The following CABIN1 variants were observed in gnomAD, a reference collection of about 807,000 sequenced individuals.
The protein encoded by CABIN1 is calcineurin binding protein 1, also known as calcineurin-binding protein cabin-1.
A neutral mutation model predicts 227.7 loss-of-function variants in CABIN1; 133 were observed. The observed-to-expected ratio is 0.58, with a 90% CI of 0.51 to 0.67. CABIN1 has a LOEUF of 0.67. Among genes scored for constraint, CABIN1 ranks in the 30% least tolerant of loss-of-function variants. The probability of loss-of-function intolerance (pLI) is 0.00; values close to 1 mark genes in which losing one functional copy is unlikely to be tolerated. For synonymous variants in CABIN1, 1,086 were observed against 1,155.1 expected (o/e 0.94, Z 1.21); for missense variants, 2,408 against 2,852.5 (o/e 0.84, Z 3.55).
At chr22:24,036,384 TG>T (rs2036890446) in intron 3 of CABIN1, among the ~76,000 whole-genome samples, 1 of 152,192 alleles carries the variant, frequency 6.6e-6, no homozygotes, top group Non-Finnish European at 1.5e-5. Context: ...ATTCTATCAG[TG>T]TATGTGAAGG....
intron 25 of CABIN1, among the ~76,000 whole-genome samples, chr22:24,096,484 G>A (rs562410431): frequency 2.6e-4 from 40 of 152,306 alleles, no homozygotes; most frequent in African/African-American, 9.1e-4. Context: ...ATTCTCCTGA[G>A]AAGCAGTGGG....
chr22:24,063,222 G>C, intron 14 of CABIN1, 76 bp downstream of exon 14: 1 of 1,458,242 alleles, frequency 6.9e-7, no homozygotes, highest in East Asian at 2.3e-5. Flanking sequence ...ACCATGTTGA[G>C]GGTGTGTGTG....
In CABIN1 at chr22:24,038,315, C is replaced by T. The variant is rs1569104484; in HGVS notation, c.97-33C>T. 3 of 1,536,626 alleles carry T rather than the reference C, an allele frequency of 2.0e-6. No homozygotes were observed. The South Asian group carries it at 3.4e-5, about 17-fold the overall frequency. On this transcript the variant is annotated intron_variant, in intron 3 of 36. Coordinates refer to ENST00000263119, the MANE Select transcript of CABIN1 (RefSeq NM_012295.4). ...GGCTTAAAAAAGACAGATCTTTATGCTGTATGAAAACATCTCTTGTCTTGA... is the reference window on the plus strand; with the variant it reads ...GGCTTAAAAAAGACAGATCTTTATGTTGTATGAAAACATCTCTTGTCTTGA...
chr22:24,049,339 T>C, intron 7 of CABIN1, 119 bp downstream of exon 7: 6 of 1,226,314 alleles, frequency 4.9e-6, no homozygotes, highest in Non-Finnish European at 7.0e-6. Flanking sequence ...CTCTGGGGCT[T>C]CATGCCCTGC....
rs189739369 is a variant in CABIN1 at position 24,027,747 on chromosome 22, A to G, written c.-74-7697A>G. Among the ~76,000 whole-genome samples the G allele has an allele frequency of 2.6e-5, 4 of 152,336 alleles. No individual in the cohort carries two copies. In the East Asian group the frequency reaches 7.7e-4, roughly 29 times the overall value. On this transcript the variant is annotated intron_variant, in intron 1 of 36. Transcript: ENST00000263119. ...CTCACCCTTCTGCCTTCCACCACGC[A>G]GTGATGCAGTAAGGCCTTTGCCAGG...
chr22:24,158,928 C>T (rs184226972), intron 29 of CABIN1, among the ~76,000 whole-genome samples: 2 of 152,280 alleles, frequency 1.3e-5, no homozygotes, highest in Admixed American at 1.3e-4. Context: ...GAATCAGAGT[C>T]ACCTTAGGGC....
At chr22:24,047,297 A>T (rs777457297) in intron 6 of CABIN1, among the ~76,000 whole-genome samples, 19 of 152,170 alleles carry the variant, frequency 1.2e-4, no homozygotes, top group Non-Finnish European at 2.6e-4. Flanking sequence ...GTAGGGAGGG[A>T]TGCTGCTGGG....
chr22:24,156,703 C>G (rs533136157), intron 29 of CABIN1: 1 of 152,262 alleles, frequency 6.6e-6, no homozygotes, highest in African/African-American at 2.4e-5. Flanking sequence ...GTTATGTGCG[C>G]TGGGCTAGGA....
At chr22:24,139,534 C>T (rs528699255) in intron 29 of CABIN1, among the ~76,000 whole-genome samples, 1 of 151,648 alleles carries the variant, frequency 6.6e-6, no homozygotes, top group African/African-American at 2.4e-5. Flanking sequence ...CCACTGCGCT[C>T]CAGCCTGGGC....
chr22:24,153,839 C>T (rs774658946), intron 29 of CABIN1, among the ~76,000 whole-genome samples: 8 of 152,178 alleles, frequency 5.3e-5, no homozygotes, highest in Non-Finnish European at 1.0e-4. Flanking sequence ...AGAGGCTTAG[C>T]ACAGAAGCCC....
At chr22:24,059,520 G>A (rs1159027905) in intron 11 of CABIN1, among the ~76,000 whole-genome samples, 157 bp downstream of exon 11, 1 of 152,218 alleles carries the variant, frequency 6.6e-6, no homozygotes, top group Non-Finnish European at 1.5e-5. Context: ...CCTGTGGTCA[G>A]CTTGGAGGTC....
intron 19 of CABIN1, among the ~76,000 whole-genome samples, chr22:24,077,187 A>G (rs1041002673): frequency 3.9e-5 from 6 of 152,018 alleles, no homozygotes; most frequent in Non-Finnish European, 8.8e-5. Context: ...AGTACTCCCC[A>G]TCTTCCTGTG....
At chr22:24,118,328 A>T (rs946281819) in intron 27 of CABIN1, among the ~76,000 whole-genome samples, 3 of 152,132 alleles carry the variant, frequency 2.0e-5, no homozygotes, top group African/African-American at 7.2e-5. Flanking sequence ...TCTTTCCTCA[A>T]CGAGAATAGT....
intron 11 of CABIN1, 66 bp downstream of exon 11, chr22:24,059,429 T>A: frequency 1.9e-6 from 3 of 1,578,366 alleles, no homozygotes; most frequent in African/African-American, 1.3e-5. Context: ...ATAACCTGCT[T>A]ATGTTTTGTT....
chr22:24,041,774 G>C (rs867294344), intron 5 of CABIN1, among the ~76,000 whole-genome samples: 1 of 152,206 alleles, frequency 6.6e-6, no homozygotes, highest in African/African-American at 2.4e-5. Context: ...TGCGCTGTTT[G>C]CTTCCTACGC....
intron 1 of CABIN1, among the ~76,000 whole-genome samples, chr22:24,012,339 GA>G (rs2034881653): frequency 6.6e-6 from 1 of 151,900 alleles, no homozygotes; most frequent in Non-Finnish European, 1.5e-5. Context: ...TCCCAAATAT[GA>G]AAAAATGTAA....
intron 1 of CABIN1, among the ~76,000 whole-genome samples, chr22:24,015,699 G>A (rs991472289): frequency 1.3e-5 from 2 of 151,980 alleles, no homozygotes; most frequent in Non-Finnish European, 2.9e-5. Context: ...GCTCACGCCT[G>A]TAATCCCAGA....
chr22:24,044,435 A>G (rs2037681270), intron 6 of CABIN1, among the ~76,000 whole-genome samples: 1 of 152,016 alleles, frequency 6.6e-6, no homozygotes, highest in Admixed American at 6.6e-5. Flanking sequence ...GCCCACACTG[A>G]TCTTATAAGA....
chr22:24,013,364 T>C (rs1337801187), intron 1 of CABIN1, among the ~76,000 whole-genome samples: 1 of 151,746 alleles, frequency 6.6e-6, no homozygotes, highest in Non-Finnish European at 1.5e-5. Context: ...ACCCTGCTAG[T>C]TTTTTGTATT....
Sources: gnomAD v4.1 joint callset for allele counts (sites outside exome capture counted in the v4.1 genomes callset) on GRCh38, gnomAD v4.1.1 for gene constraint, MANE v1.5 for transcripts, NCBI Gene and HGNC (gene_info 2026-07-23, HGNC 2026-07-21) for gene names.